TSGA10: variants seen among roughly 807,000 people sequenced by gnomAD.
TSGA10 encodes testis specific 10, also known as testis-specific gene 10 protein.
TSGA10 carries 43 observed loss-of-function variants against 96.6 expected under a neutral mutation model. The ratio of observed to expected loss-of-function variants is 0.44; its 90% CI spans 0.35 to 0.57. The LOEUF is 0.57. Among genes scored for constraint, TSGA10 ranks in the 20% least tolerant of loss-of-function variants. The probability of loss-of-function intolerance (pLI) is 0.01; values close to 1 mark genes in which losing one functional copy is unlikely to be tolerated. For synonymous variants in TSGA10, 229 were observed against 269.9 expected, an observed-to-expected ratio of 0.85 and a Z score of 1.48; for missense variants, 703 against 834.4, an observed-to-expected ratio of 0.84 and a Z score of 1.94.
intron 20 of TSGA10, among the ~76,000 whole-genome samples, chr2:99,009,178 T>C (rs901732219): frequency 1.3e-5 from 2 of 151,902 alleles, no homozygotes; most frequent in African/African-American, 4.8e-5. Context: ...TTGAAACAAA[T>C]GAATCCAATG....
At chr2:99,036,330 C>T (rs1283114557) in intron 16 of TSGA10, among the ~76,000 whole-genome samples, 1 of 152,062 alleles carries the variant, frequency 6.6e-6, no homozygotes, top group Non-Finnish European at 1.5e-5. Flanking sequence ...AACTTTTTAT[C>T]CATCCTTCCA....
chr2:99,033,722 C>T (rs763041682), intron 17 of TSGA10, among the ~76,000 whole-genome samples: 17 of 151,762 alleles, frequency 1.1e-4, no homozygotes, highest in South Asian at 2.1e-4. Flanking sequence ...CACCTGTAAT[C>T]CCAGCTACTT....
rs371742919 is a variant in TSGA10, at chr2:99,105,363, T to C, written c.455A>G (p.His152Arg). Reference sequence around the variant, plus strand: ...TTTCTTTTTTTTTTTTTTTACATTATGAACTGTACACTCCAGCTCCTCTAT... The same window carrying C: ...TTTCTTTTTTTTTTTTTTTACATTACGAACTGTACACTCCAGCTCCTCTAT... ...QRIEELECTVHNLDDERMEQM... is the reference protein window; with the variant it reads ...QRIEELECTVRNLDDERMEQM... Residue 152 changes from histidine (H) to arginine (R), a missense_variant, in exon 9 of 21, where the codon CAT (histidine) becomes CGT (arginine). Coordinates refer to ENST00000393483, the MANE Select transcript of TSGA10 (RefSeq NM_025244.4). The C allele has an allele frequency of 6.2e-7, 1 of 1,606,064 alleles. No homozygotes were observed. Among genetic ancestry groups the C allele is most frequent in the African/African-American group, 1.3e-5 (1 of 74,630 alleles).
intron 11 of TSGA10, among the ~76,000 whole-genome samples, chr2:99,080,069 CCACT>C (rs945036246): frequency 3.3e-5 from 5 of 152,114 alleles, no homozygotes; most frequent in African/African-American, 7.2e-5. Context: ...ACCTAACAGC[CCACT>C]CAAACTATTA....
intron 20 of TSGA10, among the ~76,000 whole-genome samples, chr2:99,011,590 T>C (rs1471617355): frequency 3.3e-5 from 5 of 152,086 alleles, no homozygotes; most frequent in Admixed American, 3.3e-4. Context: ...TTTAGAAAAC[T>C]TATTTGAGGG....
At chr2:99,043,937 A>G (rs968209065) in intron 16 of TSGA10, among the ~76,000 whole-genome samples, 3 of 152,212 alleles carry the variant, frequency 2.0e-5, no homozygotes, top group Non-Finnish European at 2.9e-5. Context: ...ACTAAGCTTC[A>G]TAAGAGAAGG....
intron 7 of TSGA10, 141 bp from the exon 8 acceptor site, chr2:99,105,838 T>C: frequency 3.9e-6 from 2 of 507,922 alleles, no homozygotes; most frequent in South Asian, 1.1e-4. Context: ...TATTTTAAAA[T>C]AAGCTTATAC....
At chr2:99,074,383 TC>T (rs1182383645) in intron 12 of TSGA10, among the ~76,000 whole-genome samples, 18 of 151,270 alleles carry the variant, frequency 1.2e-4, no homozygotes, top group African/African-American at 4.2e-4. Flanking sequence ...TGTGCTATCT[TC>T]CTTTATTCAT....
intron 10 of TSGA10, among the ~76,000 whole-genome samples, chr2:99,094,199 C>T (rs1307179683): frequency 1.3e-5 from 2 of 152,136 alleles, no homozygotes; most frequent in Admixed American, 6.5e-5. Flanking sequence ...TGGCAAGCCA[C>T]ATGTAGAAGA....
At chr2:99,044,137 C>A (rs1009755199) in intron 16 of TSGA10, among the ~76,000 whole-genome samples, 3 of 152,066 alleles carry the variant, frequency 2.0e-5, no homozygotes, top group Non-Finnish European at 4.4e-5. Flanking sequence ...GCAAAATAAC[C>A]AGGTAGCATC....
At chr2:99,104,750 C>T (rs181091059) in intron 9 of TSGA10, among the ~76,000 whole-genome samples, 2 of 152,308 alleles carry the variant, frequency 1.3e-5, no homozygotes, top group Admixed American at 6.5e-5. Flanking sequence ...GCTGGGATTA[C>T]AGGCATGAGC....
chr2:99,067,949 T>C (rs1381136473), intron 15 of TSGA10, among the ~76,000 whole-genome samples: 6 of 152,154 alleles, frequency 3.9e-5, no homozygotes, highest in African/African-American at 1.4e-4. Flanking sequence ...ATTATCTCAC[T>C]TACTTGGGTG....
intron 14 of TSGA10, 54 bp from the exon 15 acceptor site, chr2:99,069,052 C>A: frequency 1.1e-6 from 1 of 897,266 alleles, no homozygotes; most frequent in Non-Finnish European, 1.6e-6. Flanking sequence ...ATTTCTATAT[C>A]TCAAAAATAC....
At chr2:99,101,685 A>G (rs1406412590) in intron 10 of TSGA10, among the ~76,000 whole-genome samples, 1 of 152,214 alleles carries the variant, frequency 6.6e-6, no homozygotes, top group East Asian at 1.9e-4. Context: ...AGAGAAAAGA[A>G]CAAAAAGATA....
At chr2:99,098,299 C>T (rs912402210) in intron 10 of TSGA10, among the ~76,000 whole-genome samples, 5 of 151,168 alleles carry the variant, frequency 3.3e-5, no homozygotes, top group African/African-American at 1.2e-4. Flanking sequence ...ATTAGCCAGG[C>T]GTGGTGGCGG....
chr2:99,079,255 C>T (rs2087128909), intron 11 of TSGA10, among the ~76,000 whole-genome samples: 1 of 152,020 alleles, frequency 6.6e-6, no homozygotes, highest in Admixed American at 6.6e-5. Flanking sequence ...TCAATTAAGT[C>T]ATCTTTAAAG....
At chr2:99,062,213 A>ATG (rs2084775927) in intron 16 of TSGA10, among the ~76,000 whole-genome samples, 1 of 152,218 alleles carries the variant, frequency 6.6e-6, no homozygotes, top group Admixed American at 6.5e-5. Context: ...ACATACATAT[A>ATG]TGTGTCCACC....
chr2:99,018,919 G>A (rs941852937), intron 18 of TSGA10, among the ~76,000 whole-genome samples: 2 of 152,118 alleles, frequency 1.3e-5, no homozygotes. Flanking sequence ...TACATCATCT[G>A]TCTATACTAC....
intron 16 of TSGA10, among the ~76,000 whole-genome samples, chr2:99,054,507 T>C (rs2083762666): frequency 6.6e-6 from 1 of 151,820 alleles, no homozygotes; most frequent in Non-Finnish European, 1.5e-5. Flanking sequence ...AAAGAGAAAA[T>C]AGAGAAATGG....
Sources: gnomAD v4.1 joint callset for allele counts (sites outside exome capture counted in the v4.1 genomes callset) on GRCh38, gnomAD v4.1.1 for gene constraint, MANE v1.5 for transcripts, NCBI Gene and HGNC (gene_info 2026-07-23, HGNC 2026-07-21) for gene names.